Variants in SLC35E2B observed in about 807,000 individuals in gnomAD.
SLC35E2B encodes the protein solute carrier family 35 member E2B, also known as solute carrier family 35, member E2B.
SLC35E2B carries 18 observed loss-of-function variants against 32.4 expected under a neutral mutation model. The ratio of observed to expected loss-of-function variants is 0.56; its 90% CI spans 0.38 to 0.82. The LOEUF is 0.82. SLC35E2B is among the 40% of genes least tolerant of loss of function. The probability of loss-of-function intolerance (pLI) is 0.00; values close to 1 mark genes in which losing one functional copy is unlikely to be tolerated. For missense variants in SLC35E2B, 263 were observed against 469.5 expected, an observed-to-expected ratio of 0.56 and a Z score of 4.06; for synonymous variants, 132 against 209.1, an observed-to-expected ratio of 0.63 and a Z score of 3.18.
rs1643693639 is a variant in SLC35E2B, at chr1:1,671,595, C to T, written c.621G>A (p.Met207Ile). The T allele has an allele frequency of 6.5e-7, 1 of 1,548,638 alleles. No individual in the cohort carries two copies. The highest frequency in any genetic ancestry group is 2.0e-5 in the Admixed American group (1 of 50,610). Reference protein sequence around the residue: ...LLVNLSLIPVMGGLALCTATE... With the variant: ...LLVNLSLIPVIGGLALCTATE... ...TGGCCGTGCACAGCGCCAGCCCGCC[C>T]ATGACTGGGATGAGGGAGAGGTTGA... Residue 207 changes from methionine to isoleucine, a missense_variant, in exon 6 of 10, where the codon ATG (methionine) becomes ATA (isoleucine). This residue lies in a region of SLC35E2B where 129 missense variants were observed against 164.5 expected (regional missense o/e 0.78). Coordinates refer to ENST00000617444, the MANE Select transcript of SLC35E2B (RefSeq NM_001290264.2).
intron 2 of SLC35E2B, among the ~76,000 whole-genome samples, chr1:1,688,578 C>T (rs1285496398): frequency 9.3e-5 from 14 of 150,286 alleles, no homozygotes; most frequent in African/African-American, 2.7e-4. Flanking sequence ...CCAGCCTGGG[C>T]GGCAGAGCGA....
Position 1,669,113 on chromosome 1 carries a change from G to T in SLC35E2B, c.834+551C>A, listed in dbSNP as rs568266777. Reference sequence around the variant, plus strand: ...ACCACAACTTCCCTGCAGGGAGAATGGCCAAGTCAGTCAGCCTTGACAGCT... The same window carrying T: ...ACCACAACTTCCCTGCAGGGAGAATTGCCAAGTCAGTCAGCCTTGACAGCT... On this transcript the variant is annotated intron_variant, in intron 8 of 9. Coordinates refer to ENST00000617444, the MANE Select transcript of SLC35E2B (RefSeq NM_001290264.2). Among the ~76,000 whole-genome samples, 28 of 152,262 alleles carry T rather than the reference G, an allele frequency of 1.8e-4. 2 individuals carry two copies. The highest frequency in any genetic ancestry group is 3.1e-4 in the African/African-American group (13 of 41,566).
intron 8 of SLC35E2B, 44 bp downstream of exon 8, chr1:1,669,620 G>A: frequency 6.7e-7 from 1 of 1,486,184 alleles, no homozygotes; most frequent in Non-Finnish European, 9.1e-7. Flanking sequence ...ACCGGAGAAG[G>A]CAGCCCGGCA....
chr1:1,662,773 T>G lies in SLC35E2B; in HGVS notation c.*3009A>C. On this transcript the variant is annotated 3_prime_UTR_variant, in exon 10 of 10. Transcript: ENST00000617444. ...AACGTAAAGAAGCCGATGACCCAAT[T>G]CGGGAGGTGGTTCAAGTGTTCTGTT... 1 of 752,966 alleles carries G rather than the reference T, an allele frequency of 1.3e-6. No individual in the cohort carries two copies. Among genetic ancestry groups the G allele is most frequent in the East Asian group, 1.2e-4 (1 of 8,334 alleles). 46.6% of individuals were successfully genotyped at this position (752,966 alleles called of 1,614,324 possible).
chr1:1,662,437 C>T lies in SLC35E2B; in HGVS notation c.*3345G>A, dbSNP rs368447223. 3.1e-5 allele frequency: 26 copies of T among 839,900 alleles called. 1 individual carries two copies. The African/African-American group carries it at 3.7e-4, about 12-fold the overall frequency. 52.0% of individuals were successfully genotyped at this position (839,900 alleles called of 1,614,324 possible). A position where few individuals can be genotyped will look rare whatever the true frequency, so the allele number is the denominator to read the frequency against. ...CCGTCTGAGTGATCACCCAGGAGCGCGGCGGCAGCAAGCAGAGCTCACCGG... is the reference window on the plus strand; with the variant it reads ...CCGTCTGAGTGATCACCCAGGAGCGTGGCGGCAGCAAGCAGAGCTCACCGG... On this transcript the variant is annotated 3_prime_UTR_variant, in exon 10 of 10. Transcript: ENST00000617444.
chr1:1,692,286 CGCCA>C (rs1468153629), intron 1 of SLC35E2B, among the ~76,000 whole-genome samples, 159 bp downstream of exon 1: 6 of 139,988 alleles, frequency 4.3e-5, no homozygotes, highest in Admixed American at 7.1e-5. Flanking sequence ...CCGCGCACAG[CGCCA>C]GCCATAGGAA....
intron 2 of SLC35E2B, 93 bp from the exon 3 acceptor site, chr1:1,676,939 GCAAT>G: frequency 2.2e-6 from 1 of 458,106 alleles, no homozygotes; most frequent in Non-Finnish European, 3.8e-6. Flanking sequence ...CTTTGAAAAT[GCAAT>G]TGGGCCGGGC....
intron 2 of SLC35E2B, among the ~76,000 whole-genome samples, chr1:1,678,435 C>A (rs114057880): frequency 0.015 from 2,284 of 152,142 alleles, 62 homozygotes; most frequent in African/African-American, 0.053. Context: ...AGGGCCTCTG[C>A]AGCCTTCCTC....
In SLC35E2B at chr1:1,690,300, A is replaced by AAC. The variant is rs1557768850; in HGVS notation, c.-148+675_-148+676insGT. Among the ~76,000 whole-genome samples the AAC allele has an allele frequency of 8.1e-3, 747 of 92,080 alleles. 19 individuals are homozygous for AAC. Among genetic ancestry groups the AAC allele is most frequent in the African/African-American group, 0.027 (701 of 25,898 alleles). The allele number at this position is 92,080 out of a possible 152,430, so 60.4% of individuals were successfully genotyped here. A position where few individuals can be genotyped will look rare whatever the true frequency, so the allele number is the denominator to read the frequency against. On this transcript the variant is annotated intron_variant, in intron 2 of 9. Coordinates refer to ENST00000617444, the MANE Select transcript of SLC35E2B (RefSeq NM_001290264.2). ...TGTCTCAAAAAAAAAAAAAAGAAAC[A>AAC]AAAAAAAATATATATATATATATAC...
chr1:1,680,406 C>T (rs991599741), intron 2 of SLC35E2B, among the ~76,000 whole-genome samples: 15 of 152,298 alleles, frequency 9.8e-5, no homozygotes, highest in South Asian at 6.2e-4. Flanking sequence ...GTTCTCTGTC[C>T]GATCACTGCA....
rs1643438217 is a variant in SLC35E2B, at chr1:1,662,754, A to T, written c.*3028T>A. ...TGCAAATCTCTTAAGTATCAACGTA[A>T]AGAAGCCGATGACCCAATTCGGGAG... On this transcript the variant is annotated 3_prime_UTR_variant, in exon 10 of 10. Transcript: ENST00000617444. The T allele has an allele frequency of 2.7e-6, 2 of 748,742 alleles. 1 individual carries two copies. The highest frequency in any genetic ancestry group is 3.3e-6 in the Non-Finnish European group (2 of 610,504). The allele number at this position is 748,742 out of a possible 1,614,324, so 46.4% of individuals were successfully genotyped here.
intron 9 of SLC35E2B, among the ~76,000 whole-genome samples, 155 bp from the exon 10 acceptor site, chr1:1,666,174 C>T (rs1040427414): frequency 6.6e-6 from 1 of 151,634 alleles, no homozygotes; most frequent in East Asian, 1.9e-4. Flanking sequence ...GCTCGGCTGA[C>T]CCCGGGTCTG....
At chr1:1,667,856 G>GT (rs111818712) in intron 9 of SLC35E2B, among the ~76,000 whole-genome samples, 2,367 of 144,104 alleles carry the variant, frequency 0.016, 38 homozygotes, top group African/African-American at 0.045. Flanking sequence ...TTGTTTTTCT[G>GT]TTTTTTTTTT....
intron 2 of SLC35E2B, among the ~76,000 whole-genome samples, chr1:1,679,819 G>A (rs563558575): frequency 2.2e-4 from 28 of 128,514 alleles, no homozygotes; most frequent in Non-Finnish European, 4.0e-4. Context: ...GCAACAGAGC[G>A]AGACTCCCGT....
chr1:1,663,209 G>A lies in SLC35E2B; in HGVS notation c.*2573C>T. The A allele has an allele frequency of 2.1e-6, 2 of 940,188 alleles. No homozygotes were observed. Among genetic ancestry groups the A allele is most frequent in the Non-Finnish European group, 1.3e-6 (1 of 788,590 alleles). The allele number at this position is 940,188 out of a possible 1,614,324, so 58.2% of individuals were successfully genotyped here. A position where few individuals can be genotyped will look rare whatever the true frequency, so the allele number is the denominator to read the frequency against. The stretch of plus-strand genomic sequence containing the variant: ...CTATTTGCTAATCCTTTGGAAAAAC[G>A]TTTGTTTCTGGTCCACAAACAGAAA... On this transcript the variant is annotated 3_prime_UTR_variant, in exon 10 of 10. Coordinates refer to ENST00000617444, the MANE Select transcript of SLC35E2B (RefSeq NM_001290264.2).
rs1387662509 is a variant in SLC35E2B, at chr1:1,679,828, G to A, written c.-147-2982C>T. Among the ~76,000 whole-genome samples, 133 of 107,102 alleles carry A rather than the reference G, an allele frequency of 1.2e-3. 1 individual carries two copies. The highest frequency in any genetic ancestry group is 5.5e-3 in the Admixed American group (49 of 8,962). 70.3% of individuals were successfully genotyped at this position (107,102 alleles called of 152,430 possible). On this transcript the variant is annotated intron_variant, in intron 2 of 9. Transcript: ENST00000617444. ...GCCTGAGCAACAGAGCGAGACTCCC[G>A]TCAAAAAAAAAAAAAAAAAAAATGC...
chr1:1,662,990 T>C lies in SLC35E2B; in HGVS notation c.*2792A>G. On this transcript the variant is annotated 3_prime_UTR_variant, in exon 10 of 10. Transcript: ENST00000617444. ...AAGCCAGGCCTTGGGTTTTGCCTCT[T>C]GGTGCCCGGCTGTGCTGGGAATGCC... The C allele has an allele frequency of 1.1e-6, 1 of 946,132 alleles. No homozygotes were observed. The highest frequency in any genetic ancestry group is 1.3e-6 in the Non-Finnish European group (1 of 794,208). The allele number at this position is 946,132 out of a possible 1,614,324, so 58.6% of individuals were successfully genotyped here. A position where few individuals can be genotyped will look rare whatever the true frequency, so the allele number is the denominator to read the frequency against.
intron 2 of SLC35E2B, among the ~76,000 whole-genome samples, chr1:1,679,210 G>A (rs947420693): frequency 6.6e-6 from 1 of 152,200 alleles, no homozygotes; most frequent in Admixed American, 6.5e-5. Context: ...GGAACAGCAC[G>A]TGGGCTCGGG....
chr1:1,690,207 G>A lies in SLC35E2B; in HGVS notation c.-148+769C>T, dbSNP rs1231481809. On this transcript the variant is annotated intron_variant, in intron 2 of 9. Coordinates refer to ENST00000617444, the MANE Select transcript of SLC35E2B (RefSeq NM_001290264.2). ...AGGCAGGAGAATCACTTGAACACGG[G>A]AGGCAGAGGTTGTGATGAGCCAAGA... 4.7e-5 allele frequency among the ~76,000 whole-genome samples: 7 copies of A among 148,570 alleles called. No individual in the cohort carries two copies. In the Admixed American group the frequency reaches 4.7e-4, roughly 10 times the overall value.
Sources: allele counts gnomAD v4.1 joint callset (sites outside exome capture counted in the v4.1 genomes callset), GRCh38; gene constraint gnomAD v4.1.1; regional missense constraint gnomAD v4.1.1; transcripts MANE v1.5; gene names NCBI Gene and HGNC (gene_info 2026-07-23, HGNC 2026-07-21).